Variants in ADGRA3 observed in about 807,000 individuals in gnomAD.
The protein encoded by ADGRA3 is adhesion G protein-coupled receptor A3, also known as G-protein coupled receptor 125.
In ADGRA3, 56 loss-of-function variants were observed where a neutral mutation model predicts 119.8. That is an observed-to-expected ratio of 0.47 (90% CI 0.38 to 0.58). The LOEUF (loss-of-function observed/expected upper bound fraction) is 0.58, where lower values mean the gene tolerates loss of function less well. Ranked by LOEUF, ADGRA3 falls within the 20% of genes least tolerant of loss-of-function variation. The probability of loss-of-function intolerance (pLI) is 0.00; values close to 1 mark genes in which losing one functional copy is unlikely to be tolerated. For synonymous variants in ADGRA3, 607 were observed against 623.8 expected (o/e 0.97, Z 0.40); for missense variants, 1,516 against 1,649.0 (o/e 0.92, Z 1.40).
At chr4:22,398,464 T>A (rs1714463808) in intron 16 of ADGRA3, among the ~76,000 whole-genome samples, 1 of 152,144 alleles carries the variant, frequency 6.6e-6, no homozygotes, top group Non-Finnish European at 1.5e-5. Flanking sequence ...ACCTTGTCAA[T>A]AATCTGTTAT....
chr4:22,464,611 A>G (rs1717587644), intron 2 of ADGRA3, among the ~76,000 whole-genome samples: 1 of 152,184 alleles, frequency 6.6e-6, no homozygotes, highest in African/African-American at 2.4e-5. Context: ...ACAGCATGGC[A>G]GCGCTCACGC....
chr4:22,475,655 G>T (rs897057365), intron 1 of ADGRA3, among the ~76,000 whole-genome samples: 2 of 151,960 alleles, frequency 1.3e-5, no homozygotes, highest in African/African-American at 4.8e-5. Flanking sequence ...TGAACCCAGG[G>T]GGTGGAGCTT....
chr4:22,389,070 A>G lies in ADGRA3; in HGVS notation c.2723+18T>C, dbSNP rs770197170. ...AGAAACAACTGGGTCAAGTACACAG[A>G]GAATATAAAATACTCACTAGGGTGC... On this transcript the variant is annotated intron_variant, in intron 18 of 18. Coordinates refer to ENST00000334304, the MANE Select transcript of ADGRA3 (RefSeq NM_145290.4). 1 of 1,608,352 alleles carries G rather than the reference A, an allele frequency of 6.2e-7. No individual in the cohort carries two copies. Among genetic ancestry groups the G allele is most frequent in the Admixed American group, 1.7e-5 (1 of 59,776 alleles).
At chr4:22,490,577 C>CA (rs1322681942) in intron 1 of ADGRA3, among the ~76,000 whole-genome samples, 1 of 151,996 alleles carries the variant, frequency 6.6e-6, no homozygotes, top group Non-Finnish European at 1.5e-5. Context: ...AAACAGACCT[C>CA]AAAGACTAAT....
At chr4:22,511,550 A>T (rs564845360) in intron 1 of ADGRA3, among the ~76,000 whole-genome samples, 153 of 151,834 alleles carry the variant, frequency 1.0e-3, no homozygotes, top group African/African-American at 3.5e-3. Context: ...TTCATGATTT[A>T]AAAAAAAATT....
rs1276499026 is a variant in ADGRA3, at chr4:22,413,704, T to C, written c.1920A>G (p.Ala640=). The change falls in exon 13 of 19, where the codon GCA becomes GCG. Residue 640 remains alanine (A), a synonymous_variant. Transcript: ENST00000334304. ...CTGGAAAAAGCTTTCCATTGCGGAA[T>C]GCAATGAGTTGAAGCTTGTAAAGAG... ...DDSLYKLQLI[A]FRNGKLFPAT... 1 of 1,613,656 alleles carries C rather than the reference T, an allele frequency of 6.2e-7. No individual in the cohort carries two copies. Among genetic ancestry groups the C allele is most frequent in the East Asian group, 2.2e-5 (1 of 44,854 alleles).
At chr4:22,389,421 C>T (rs971503818) in intron 17 of ADGRA3, among the ~76,000 whole-genome samples, 1 of 151,552 alleles carries the variant, frequency 6.6e-6, no homozygotes, top group Non-Finnish European at 1.5e-5. Context: ...TAGAGGAAAG[C>T]TGATCGGCTT....
intron 1 of ADGRA3, among the ~76,000 whole-genome samples, chr4:22,513,822 T>C (rs2109193489): frequency 7.1e-6 from 1 of 139,890 alleles, no homozygotes; most frequent in South Asian, 2.2e-4. Context: ...CTTAACTTTA[T>C]TTTCATCTAA....
intron 6 of ADGRA3, among the ~76,000 whole-genome samples, chr4:22,444,257 A>G (rs1716742783): frequency 6.6e-6 from 1 of 152,172 alleles, no homozygotes; most frequent in South Asian, 2.1e-4. Context: ...AATTAACTAT[A>G]AGATACAGAA....
rs937591889 is a variant in ADGRA3, at chr4:22,426,161, G to A, written c.1444-1809C>T. On this transcript the variant is annotated intron_variant, in intron 10 of 18. Coordinates refer to ENST00000334304, the MANE Select transcript of ADGRA3 (RefSeq NM_145290.4). ...TGATAGACTCTAGAGGTAGTAGAAG[G>A]GTTGTATTTGTATGTCTGTGTTCAC... is the stretch of plus-strand genomic sequence containing the variant. Among the ~76,000 whole-genome samples, 15 of 152,198 alleles carry A rather than the reference G, an allele frequency of 9.9e-5. No homozygotes were observed. The East Asian group carries it at 1.7e-3, about 18-fold the overall frequency.
intron 3 of ADGRA3, among the ~76,000 whole-genome samples, chr4:22,460,227 C>T (rs1302514769): frequency 6.6e-6 from 1 of 152,130 alleles, no homozygotes; most frequent in Non-Finnish European, 1.5e-5. Flanking sequence ...CCTGTGTGTG[C>T]GTTCAGACGT....
chr4:22,439,729 A>G (rs1716534811), intron 7 of ADGRA3, among the ~76,000 whole-genome samples: 1 of 152,210 alleles, frequency 6.6e-6, no homozygotes, highest in Non-Finnish European at 1.5e-5. Context: ...TTTGTCCAAC[A>G]TTCTACTTTA....
chr4:22,461,292 T>C (rs1341410960), intron 3 of ADGRA3, among the ~76,000 whole-genome samples: 4 of 152,254 alleles, frequency 2.6e-5, no homozygotes, highest in Non-Finnish European at 4.4e-5. Flanking sequence ...CAGCTACTTA[T>C]ATAAAATACT....
chr4:22,405,181 A>G (rs1488445741), intron 14 of ADGRA3, among the ~76,000 whole-genome samples: 1 of 152,164 alleles, frequency 6.6e-6, no homozygotes, highest in Non-Finnish European at 1.5e-5. Flanking sequence ...CGAATAAAAC[A>G]TTCGACTAAA....
intron 1 of ADGRA3, among the ~76,000 whole-genome samples, chr4:22,511,027 C>T (rs1395216639): frequency 1.3e-5 from 2 of 152,172 alleles, no homozygotes; most frequent in Non-Finnish European, 2.9e-5. Flanking sequence ...TGATAACAAA[C>T]ATGAAGAACC....
chr4:22,392,805 T>G, intron 16 of ADGRA3, 115 bp from the exon 17 acceptor site: 1 of 872,696 alleles, frequency 1.1e-6, no homozygotes. Flanking sequence ...AGGCCTATCC[T>G]AATAATCAAC....
intron 2 of ADGRA3, among the ~76,000 whole-genome samples, chr4:22,466,436 A>G (rs1717661189): frequency 6.6e-6 from 1 of 152,106 alleles, no homozygotes; most frequent in Non-Finnish European, 1.5e-5. Flanking sequence ...CCAGAAAAAT[A>G]CCTGTGAATG....
At chr4:22,390,228 C>T (rs182205038) in intron 17 of ADGRA3, among the ~76,000 whole-genome samples, 148 of 150,934 alleles carry the variant, frequency 9.8e-4, no homozygotes, top group African/African-American at 3.2e-3. Flanking sequence ...CTTCTTTCAA[C>T]GCCCCCTACC....
intron 17 of ADGRA3, among the ~76,000 whole-genome samples, chr4:22,390,709 G>A (rs1399008861): frequency 6.6e-6 from 1 of 151,908 alleles, no homozygotes; most frequent in African/African-American, 2.4e-5. Context: ...AAGGATATGG[G>A]GGAAGCAGGG....
Sources: allele counts gnomAD v4.1 joint callset (sites outside exome capture counted in the v4.1 genomes callset), GRCh38; gene constraint gnomAD v4.1.1; transcripts MANE v1.5; gene names NCBI Gene and HGNC (gene_info 2026-07-23, HGNC 2026-07-21).